Variants in NCKAP5 observed in about 807,000 individuals in gnomAD.
NCKAP5 encodes the protein nck-associated protein 5.
NCKAP5 carries 92 observed loss-of-function variants against 167.0 expected under a neutral mutation model. The ratio of observed to expected loss-of-function variants is 0.55; its 90% confidence interval spans 0.47 to 0.66. NCKAP5 has a LOEUF of 0.66. Among genes scored for constraint, NCKAP5 ranks in the 30% least tolerant of loss-of-function variants. NCKAP5 has a pLI of 0.00. For synonymous variants in NCKAP5, 891 were observed against 877.4 expected (o/e 1.02, Z -0.27); for missense variants, 2,378 against 2,315.0 (o/e 1.03, Z -0.56).
At chr2:133,100,161 T>A (rs191507274) in intron 6 of NCKAP5, among the ~76,000 whole-genome samples, 2 of 152,310 alleles carry the variant, frequency 1.3e-5, no homozygotes, top group Admixed American at 1.3e-4. Flanking sequence ...CTTCAAATAA[T>A]CTACAAGCAT....
intron 3 of NCKAP5, among the ~76,000 whole-genome samples, chr2:133,305,343 C>G (rs1282548677): frequency 6.6e-6 from 1 of 152,188 alleles, no homozygotes; most frequent in Admixed American, 6.5e-5. Flanking sequence ...TTAAATCTCT[C>G]TAAGCCTTAG....
intron 6 of NCKAP5, among the ~76,000 whole-genome samples, chr2:133,049,607 C>T (rs1041472132): frequency 1.1e-4 from 16 of 150,256 alleles, no homozygotes; most frequent in Non-Finnish European, 1.9e-4. Context: ...TACACCTAAG[C>T]AGTCAGTGAT....
chr2:133,215,994 T>G (rs1468361789), intron 4 of NCKAP5, among the ~76,000 whole-genome samples: 1 of 152,088 alleles, frequency 6.6e-6, no homozygotes. Context: ...AATAAAATTT[T>G]AAAGCATCTC....
At chr2:132,737,867 A>G (rs1316069509) in intron 16 of NCKAP5, among the ~76,000 whole-genome samples, 1 of 152,236 alleles carries the variant, frequency 6.6e-6, no homozygotes, top group Non-Finnish European at 1.5e-5. Flanking sequence ...ATTCTCCCAT[A>G]TAAGTGGCTC....
chr2:132,971,428 T>C (rs1171442725), intron 7 of NCKAP5, among the ~76,000 whole-genome samples: 2 of 152,148 alleles, frequency 1.3e-5, no homozygotes, highest in African/African-American at 4.8e-5. Flanking sequence ...CAAGGAGTTT[T>C]GTCTTTACCC....
chr2:133,648,740 A>G, the NCKAP5 span, among the ~76,000 whole-genome samples: 1 of 152,032 alleles, frequency 6.6e-6, no homozygotes, highest in Non-Finnish European at 1.5e-5. Flanking sequence ...TATGTTGTGC[A>G]GCAAAAGCAA....
intron 3 of NCKAP5, among the ~76,000 whole-genome samples, chr2:133,470,100 T>C (rs1247517570): frequency 1.3e-5 from 2 of 152,086 alleles, no homozygotes; most frequent in Non-Finnish European, 2.9e-5. Flanking sequence ...CTTTTTAGAG[T>C]TTCCAGTTTT....
intron 3 of NCKAP5, among the ~76,000 whole-genome samples, chr2:133,407,922 G>A (rs774456086): frequency 1.3e-5 from 2 of 152,162 alleles, no homozygotes; most frequent in Non-Finnish European, 1.5e-5. Context: ...AAAGTCTCAC[G>A]ATCCTAGGTG....
intron 6 of NCKAP5, among the ~76,000 whole-genome samples, chr2:133,002,236 C>T (rs2077809431): frequency 6.6e-6 from 1 of 152,048 alleles, no homozygotes; most frequent in South Asian, 2.1e-4. Flanking sequence ...TTCCAAGATC[C>T]CCCCAGTGAA....
intron 5 of NCKAP5, among the ~76,000 whole-genome samples, chr2:133,183,060 A>G (rs2084802261): frequency 6.6e-6 from 1 of 152,052 alleles, no homozygotes; most frequent in Non-Finnish European, 1.5e-5. Flanking sequence ...CTCACCCAAT[A>G]AGAAACAGAT....
chr2:133,095,629 G>A (rs1431710454), intron 6 of NCKAP5, among the ~76,000 whole-genome samples: 1 of 152,228 alleles, frequency 6.6e-6, no homozygotes, highest in Non-Finnish European at 1.5e-5. Context: ...GAACCACTCA[G>A]CTAAGCCGGG....
At chr2:133,350,458 C>G (rs1012273471) in intron 3 of NCKAP5, among the ~76,000 whole-genome samples, 1 of 152,092 alleles carries the variant, frequency 6.6e-6, no homozygotes, top group African/African-American at 2.4e-5. Context: ...TGAAACCTGA[C>G]CATAACACCC....
chr2:133,214,585 C>T (rs974883392), intron 4 of NCKAP5, among the ~76,000 whole-genome samples: 4 of 152,106 alleles, frequency 2.6e-5, no homozygotes, highest in Admixed American at 2.6e-4. Context: ...ATCCAATATT[C>T]ACCAAAATTT....
In NCKAP5 at chr2:133,345,596, ATTTCT is replaced by A. The variant is rs1223501001; in HGVS notation, c.70-42491_70-42487del. ...TGTTGTGCAGTGGTGAAAAGTATGG[ATTTCT>A]TTTAAGGTGTAAACTGGACAAGGGA... On this transcript the variant is annotated intron_variant, in intron 3 of 19. Transcript: ENST00000409261. Among the ~76,000 whole-genome samples the A allele has an allele frequency of 3.3e-5, 5 of 152,272 alleles. No homozygotes were observed. In the East Asian group the frequency reaches 9.6e-4, roughly 29 times the overall value.
intron 8 of NCKAP5, among the ~76,000 whole-genome samples, chr2:132,881,616 T>C (rs970319110): frequency 5.3e-5 from 8 of 150,884 alleles, no homozygotes; most frequent in Non-Finnish European, 1.0e-4. Context: ...ATCCCTTAAT[T>C]TGGGCTTCTC....
chr2:132,780,230 C>A (rs1486194537), intron 15 of NCKAP5, among the ~76,000 whole-genome samples: 1 of 152,224 alleles, frequency 6.6e-6, no homozygotes, highest in African/African-American at 2.4e-5. Context: ...CGGCTCGCTG[C>A]AAGCTCTGCC....
At chr2:133,212,686 C>T (rs942524493) in intron 5 of NCKAP5, among the ~76,000 whole-genome samples, 2 of 152,080 alleles carry the variant, frequency 1.3e-5, no homozygotes, top group South Asian at 4.1e-4. Context: ...TTCTTCATAC[C>T]ATTTGAACAT....
At chr2:133,061,898 C>T (rs1315067023) in intron 6 of NCKAP5, among the ~76,000 whole-genome samples, 2 of 152,154 alleles carry the variant, frequency 1.3e-5, no homozygotes, top group African/African-American at 2.4e-5. Flanking sequence ...CACTCCCCAA[C>T]CACTAGGTTT....
At chr2:133,346,181 G>A (rs1683964647) in intron 3 of NCKAP5, among the ~76,000 whole-genome samples, 1 of 152,148 alleles carries the variant, frequency 6.6e-6, no homozygotes, top group African/African-American at 2.4e-5. Flanking sequence ...TATGGTAGTA[G>A]AAAGCAGGGA....
Sources: allele counts gnomAD v4.1 joint callset (sites outside exome capture counted in the v4.1 genomes callset), GRCh38; gene constraint gnomAD v4.1.1; transcripts MANE v1.5; gene names NCBI Gene and HGNC (gene_info 2026-07-23, HGNC 2026-07-21).